NTM: variants seen among roughly 807,000 people sequenced by gnomAD.
NTM encodes the protein neurotrimin, also known as IgLON family member 2.
A neutral mutation model predicts 42.1 loss-of-function variants in NTM; 13 were observed. The observed-to-expected ratio is 0.31, with a 90% CI of 0.20 to 0.49. NTM has a LOEUF of 0.49. NTM is among the 20% of genes least tolerant of loss of function. The pLI is 0.99. For missense variants in NTM, 373 were observed against 452.8 expected, an observed-to-expected ratio of 0.82 and a Z score of 1.60; for synonymous variants, 187 against 179.2, an observed-to-expected ratio of 1.04 and a Z score of -0.35.
At chr11:131,667,523 C>A (rs938187385) in intron 1 of NTM, among the ~76,000 whole-genome samples, 3 of 152,184 alleles carry the variant, frequency 2.0e-5, no homozygotes, top group Non-Finnish European at 4.4e-5. Flanking sequence ...GGAGCAGCCC[C>A]ATGACAGCAG....
chr11:132,268,210 G>A (rs1591634572), intron 4 of NTM, among the ~76,000 whole-genome samples: 1 of 152,120 alleles, frequency 6.6e-6, no homozygotes, highest in Non-Finnish European at 1.5e-5. Context: ...GTTCCAATAA[G>A]ACTTATATTA....
At chr11:131,735,147 A>G (rs1466832970) in intron 1 of NTM, among the ~76,000 whole-genome samples, 1 of 152,230 alleles carries the variant, frequency 6.6e-6, no homozygotes, top group Non-Finnish European at 1.5e-5. Context: ...GAGGGGGGAA[A>G]GATGAGGAAA....
intron 1 of NTM, among the ~76,000 whole-genome samples, chr11:131,636,767 C>A (rs898163612): frequency 6.6e-6 from 1 of 152,176 alleles, no homozygotes; most frequent in African/African-American, 2.4e-5. Context: ...TGTGAGGCCA[C>A]ATTCCCACGT....
intron 3 of NTM, among the ~76,000 whole-genome samples, chr11:132,171,775 GGATA>G (rs969514141): frequency 1.3e-5 from 2 of 152,148 alleles, no homozygotes; most frequent in African/African-American, 4.8e-5. Context: ...AAGATTTATT[GGATA>G]GATAGATCAG....
At chr11:131,642,352 TA>T (rs1367879219) in intron 1 of NTM, among the ~76,000 whole-genome samples, 2 of 152,222 alleles carry the variant, frequency 1.3e-5, no homozygotes, top group Non-Finnish European at 2.9e-5. Context: ...GAGATCCAGA[TA>T]GTTGCTTGTC....
chr11:131,498,082 T>C (rs1271368801), intron 1 of NTM, among the ~76,000 whole-genome samples: 1 of 152,134 alleles, frequency 6.6e-6, no homozygotes, highest in Non-Finnish European at 1.5e-5. Flanking sequence ...CATCGCTCCA[T>C]CTGCGAGATG....
intron 1 of NTM, among the ~76,000 whole-genome samples, chr11:131,876,587 A>T (rs2048571755): frequency 6.6e-6 from 1 of 152,252 alleles, no homozygotes; most frequent in Admixed American, 6.5e-5. Context: ...AGCAGGTCAA[A>T]TTCTGCCATT....
At chr11:131,602,396 G>A (rs2060564846) in intron 1 of NTM, among the ~76,000 whole-genome samples, 1 of 152,190 alleles carries the variant, frequency 6.6e-6, no homozygotes, top group African/African-American at 2.4e-5. Flanking sequence ...TATTAAATAA[G>A]TCGAAAATAT....
intron 3 of NTM, among the ~76,000 whole-genome samples, chr11:132,180,615 A>G (rs962359040): frequency 2.0e-5 from 3 of 152,156 alleles, no homozygotes; most frequent in Non-Finnish European, 2.9e-5. Context: ...ACAAAAAAAC[A>G]AAAAACCCAC....
At chr11:132,305,461 G>A (rs1275152163) in intron 4 of NTM, among the ~76,000 whole-genome samples, 1 of 152,154 alleles carries the variant, frequency 6.6e-6, no homozygotes, top group African/African-American at 2.4e-5. Context: ...CTGGTAATTC[G>A]AGCTATTATT....
At chr11:132,210,311 G>A (rs2082637778) in intron 3 of NTM, among the ~76,000 whole-genome samples, 1 of 152,224 alleles carries the variant, frequency 6.6e-6, no homozygotes, top group Non-Finnish European at 1.5e-5. Context: ...ACCAGCATCA[G>A]GAGGGTTGAA....
At chr11:131,784,623 A>C (rs972442788) in intron 1 of NTM, among the ~76,000 whole-genome samples, 2 of 152,152 alleles carry the variant, frequency 1.3e-5, no homozygotes, top group Non-Finnish European at 2.9e-5. Context: ...GCTGAAATAC[A>C]CTGGAGAGGG....
At chr11:131,424,600 C>CTTTTTTTTTTTTTTTTTTTTTATTT (rs769740331) in intron 1 of NTM, among the ~76,000 whole-genome samples, 1 of 56,052 alleles carries the variant, frequency 1.8e-5, no homozygotes, top group Non-Finnish European at 3.2e-5. Context: ...CTTTTCTTTT[C>CTTTTTTTTTTTTTTTTTTTTTATTT]TTTTTTTTTT....
chr11:131,411,627 T>C (rs1454162863), intron 1 of NTM, among the ~76,000 whole-genome samples: 1 of 148,976 alleles, frequency 6.7e-6, no homozygotes, highest in Non-Finnish European at 1.5e-5. Flanking sequence ...TTGAGATGAC[T>C]GCAGTCTACA....
intron 1 of NTM, among the ~76,000 whole-genome samples, chr11:131,551,004 A>AT (rs148881646): frequency 0.044 from 6,679 of 151,944 alleles, 170 homozygotes; most frequent in Middle Eastern, 0.099. Context: ...TTTGCATTTA[A>AT]TTTTTTTTAA....
intron 4 of NTM, among the ~76,000 whole-genome samples, chr11:132,217,414 T>G (rs59216789): frequency 3.4e-5 from 5 of 147,462 alleles, no homozygotes; most frequent in African/African-American, 7.5e-5. Context: ...ATGTGTGGGG[T>G]GTGTGTGTGT....
intron 1 of NTM, among the ~76,000 whole-genome samples, chr11:131,612,490 A>G (rs549847247): frequency 6.3e-4 from 96 of 152,372 alleles, no homozygotes; most frequent in Admixed American, 1.0e-3. Context: ...ATTGAAATGT[A>G]TGAATAAAAT....
At chr11:132,317,699 C>CTTCCTTGCTTTATGTTTTGTCTCCCCT (rs1565467329) in intron 7 of NTM, 3 of 1,301,622 alleles carry the variant, frequency 2.3e-6, no homozygotes, top group Non-Finnish European at 3.0e-6. Context: ...AGGTCAGTAT[C>CTTCCTTGCTTTATGTTTTGTCTCCCCT]TTCCTTGCTT....
At chr11:131,717,015 T>C (rs925520178) in intron 1 of NTM, among the ~76,000 whole-genome samples, 2 of 152,098 alleles carry the variant, frequency 1.3e-5, no homozygotes, top group Admixed American at 1.3e-4. Flanking sequence ...TAATTTAAAA[T>C]TGTTTTCTAG....
Sources: allele counts gnomAD v4.1 joint callset (sites outside exome capture counted in the v4.1 genomes callset), GRCh38; gene constraint gnomAD v4.1.1; transcripts MANE v1.5; gene names NCBI Gene and HGNC (gene_info 2026-07-23, HGNC 2026-07-21).